The following DPYD variants were observed in gnomAD, a reference collection of about 807,000 sequenced individuals.
DPYD encodes dihydropyrimidine dehydrogenase [NADP(+)].
A neutral mutation model predicts 116.2 loss-of-function variants in DPYD; 109 were observed. The ratio of observed to expected loss-of-function variants is 0.94; its 90% CI spans 0.80 to 1.10. DPYD has a LOEUF of 1.10. Among genes scored for constraint, DPYD ranks in the 50% least tolerant of loss-of-function variants. DPYD has a pLI of 0.00. For missense variants in DPYD, 1,302 were observed against 1,254.5 expected, an observed-to-expected ratio of 1.04 and a Z score of -0.57; for synonymous variants, 440 against 432.0, an observed-to-expected ratio of 1.02 and a Z score of -0.23.
In DPYD at chr1:97,211,053, A is replaced by T. The variant is rs12046043; in HGVS notation, c.2443-17805T>A. 2.2e-4 allele frequency among the ~76,000 whole-genome samples: 33 copies of T among 152,298 alleles called. No homozygotes were observed. The East Asian group carries it at 6.0e-3, about 28-fold the overall frequency. The stretch of plus-strand genomic sequence containing the variant: ...TACACGACAGCTAAGATGATTATTT[A>T]AAAATATTAATTAGATCATAATTTG... On this transcript the variant is annotated intron_variant, in intron 19 of 22. Transcript: ENST00000370192.
intron 20 of DPYD, among the ~76,000 whole-genome samples, chr1:97,158,469 C>CAGA (rs1450882944): frequency 2.9e-3 from 150 of 51,050 alleles, no homozygotes; most frequent in Non-Finnish European, 5.9e-3. Flanking sequence ...AGATAACTCA[C>CAGA]CAGACACACA....
At chr1:97,834,119 T>C (rs1013288816) in intron 2 of DPYD, among the ~76,000 whole-genome samples, 1 of 152,032 alleles carries the variant, frequency 6.6e-6, no homozygotes, top group South Asian at 2.1e-4. Context: ...ATATAATCAG[T>C]AGTCCAAGAA....
At chr1:97,404,341 C>T (rs1370936519) in intron 14 of DPYD, among the ~76,000 whole-genome samples, 1 of 151,964 alleles carries the variant, frequency 6.6e-6, no homozygotes, top group Non-Finnish European at 1.5e-5. Flanking sequence ...TATGTGCTTA[C>T]TGATTTTCTA....
chr1:97,160,372 G>A (rs897872682), intron 20 of DPYD, among the ~76,000 whole-genome samples: 1 of 238 alleles, frequency 4.2e-3, no homozygotes, highest in African/African-American at 0.019. Context: ...TAGAATGTTG[G>A]TTATACCATC....
chr1:97,507,493 T>C (rs897593757), intron 13 of DPYD, among the ~76,000 whole-genome samples: 8 of 152,024 alleles, frequency 5.3e-5, no homozygotes, highest in African/African-American at 1.9e-4. Flanking sequence ...AAACTCTTAA[T>C]AATAAATAAG....
chr1:97,218,077 C>T (rs1238360622), intron 19 of DPYD, among the ~76,000 whole-genome samples: 2 of 152,112 alleles, frequency 1.3e-5, no homozygotes, highest in Non-Finnish European at 1.5e-5. Context: ...CTCTTAACTA[C>T]CATAGTATAC....
intron 20 of DPYD, among the ~76,000 whole-genome samples, chr1:97,126,116 A>T (rs1319514389): frequency 2.0e-5 from 3 of 152,064 alleles, no homozygotes; most frequent in Admixed American, 1.3e-4. Context: ...CAATTTTTAA[A>T]AACAAGTGAG....
At chr1:97,557,131 T>C (rs1490723519) in intron 11 of DPYD, among the ~76,000 whole-genome samples, 1 of 151,756 alleles carries the variant, frequency 6.6e-6, no homozygotes, top group Non-Finnish European at 1.5e-5. Context: ...TTTTCATGTG[T>C]TTTTTGGCTG....
intron 20 of DPYD, among the ~76,000 whole-genome samples, chr1:97,192,769 TC>T (rs1332992782): frequency 3.9e-5 from 6 of 152,306 alleles, no homozygotes; most frequent in African/African-American, 1.4e-4. Context: ...ATCTCCAGAC[TC>T]CCACTGGGAA....
At chr1:97,720,899 T>C (rs1049185194) in intron 5 of DPYD, 3 of 1,609,726 alleles carry the variant, frequency 1.9e-6, no homozygotes, top group African/African-American at 1.3e-5. Context: ...TACAAATGAT[T>C]CATTAAAGAG....
At chr1:97,785,266 A>G (rs1446271782) in intron 3 of DPYD, among the ~76,000 whole-genome samples, 3 of 152,214 alleles carry the variant, frequency 2.0e-5, no homozygotes, top group Admixed American at 2.0e-4. Flanking sequence ...AATGTATAAC[A>G]TATAAAAGTA....
chr1:97,410,467 AAAG>A (rs1673921887), intron 14 of DPYD, among the ~76,000 whole-genome samples: 1 of 152,246 alleles, frequency 6.6e-6, no homozygotes, highest in African/African-American at 2.4e-5. Context: ...TTGATAACTG[AAAG>A]AATAATGTCA....
Position 97,355,446 on chromosome 1 carries a change from A to G in DPYD, c.2058+18115T>C, listed in dbSNP as rs573304298. Among the ~76,000 whole-genome samples the G allele has an allele frequency of 2.0e-5, 3 of 152,264 alleles. No individual in the cohort carries two copies. In the East Asian group the frequency reaches 5.8e-4, roughly 29 times the overall value. On this transcript the variant is annotated intron_variant, in intron 16 of 22. Transcript: ENST00000370192. ...TTAGCAATTTTGAAATGTACAATAA[A>G]TGGTTATTTACTATATTCACCATGT...
intron 19 of DPYD, among the ~76,000 whole-genome samples, chr1:97,193,712 T>A (rs1658550471): frequency 6.6e-6 from 1 of 152,186 alleles, no homozygotes; most frequent in African/African-American, 2.4e-5. Flanking sequence ...CACTTACCCC[T>A]GCCTCTGTCT....
intron 21 of DPYD, among the ~76,000 whole-genome samples, chr1:97,097,955 A>G (rs927439591): frequency 6.6e-6 from 1 of 152,210 alleles, no homozygotes; most frequent in Non-Finnish European, 1.5e-5. Flanking sequence ...AAGGAAAAAA[A>G]TCAAGAAAGG....
rs116414848 is a variant in DPYD at position 97,184,563 on chromosome 1, G to A, written c.2622+8506C>T. Among the ~76,000 whole-genome samples, 517 of 152,048 alleles carry A rather than the reference G, an allele frequency of 3.4e-3. 1 individual carries two copies. The highest frequency in any genetic ancestry group is 5.9e-3 in the Non-Finnish European group (401 of 67,934). ...ACGCTTGTTGGCTGCATGTATCCAC[G>A]TCGCTGTGAAAGCAATTCTTTCAGT... On this transcript the variant is annotated intron_variant, in intron 20 of 22. Coordinates refer to ENST00000370192, the MANE Select transcript of DPYD (RefSeq NM_000110.4).
chr1:97,145,949 A>G lies in DPYD; in HGVS notation c.2622+47120T>C, dbSNP rs550889297. Among the ~76,000 whole-genome samples, 23 of 152,144 alleles carry G rather than the reference A, an allele frequency of 1.5e-4. No individual in the cohort carries two copies. The South Asian group carries it at 1.7e-3, about 11-fold the overall frequency. ...ACAAAACCTCAAACTCAAGGCTTCA[A>G]TTGAGTCTACTGAAGAATTCCTGGG... On this transcript the variant is annotated intron_variant, in intron 20 of 22. Coordinates refer to ENST00000370192, the MANE Select transcript of DPYD (RefSeq NM_000110.4).
chr1:97,200,251 T>A (rs187347275), intron 19 of DPYD, among the ~76,000 whole-genome samples: 192 of 152,302 alleles, frequency 1.3e-3, no homozygotes, highest in Non-Finnish European at 2.3e-3. Context: ...TAAACTACAC[T>A]TCAGGACTTA....
Position 97,914,997 on chromosome 1 carries a change from A to G in DPYD, c.39+5887T>C, listed in dbSNP as rs114496019. 6.2e-3 allele frequency among the ~76,000 whole-genome samples: 944 copies of G among 152,286 alleles called. 8 individuals are homozygous for G. The highest frequency in any genetic ancestry group is 0.021 in the African/African-American group (893 of 41,572). ...ATTCTTGCCAATTGATGTTTATATAATGTACATGATAGACGCAGTAATAAC... is the reference window on the plus strand; with the variant it reads ...ATTCTTGCCAATTGATGTTTATATAGTGTACATGATAGACGCAGTAATAAC... On this transcript the variant is annotated intron_variant, in intron 1 of 22. Transcript: ENST00000370192.
Sources: gnomAD v4.1 joint callset for allele counts (sites outside exome capture counted in the v4.1 genomes callset) on GRCh38, gnomAD v4.1.1 for gene constraint, MANE v1.5 for transcripts, NCBI Gene and HGNC (gene_info 2026-07-23, HGNC 2026-07-21) for gene names.